The following ALDH7A1 variants were observed in gnomAD, a reference collection of about 807,000 sequenced individuals.
ALDH7A1 encodes aldehyde dehydrogenase 7 family member A1, also known as alpha-aminoadipic semialdehyde dehydrogenase.
A neutral mutation model predicts 79.9 loss-of-function variants in ALDH7A1; 63 were observed. The observed-to-expected ratio is 0.79, with a 90% CI of 0.64 to 0.97. The LOEUF (loss-of-function observed/expected upper bound fraction) is 0.97. Ranked by LOEUF, ALDH7A1 falls within the 50% of genes least tolerant of loss-of-function variation. The pLI is 0.00. For synonymous variants in ALDH7A1, 240 were observed against 231.2 expected, an observed-to-expected ratio of 1.04 and a Z score of -0.34; for missense variants, 627 against 665.2, an observed-to-expected ratio of 0.94 and a Z score of 0.63.
intron 12 of ALDH7A1, 49 bp downstream of exon 12, chr5:126,555,879 TAAC>T: frequency 7.0e-7 from 1 of 1,426,172 alleles, no homozygotes; most frequent in Non-Finnish European, 9.9e-7. Context: ...AAACACTTGT[TAAC>T]AACAGCTCTC....
At chr5:126,558,026 G>GAT (rs1473035968) in intron 11 of ALDH7A1, among the ~76,000 whole-genome samples, 2 of 151,936 alleles carry the variant, frequency 1.3e-5, no homozygotes, top group East Asian at 3.9e-4. Flanking sequence ...AAATTAGCCA[G>GAT]GCAGGGTGGC....
In ALDH7A1 at chr5:126,558,951, C is replaced by T. The variant is rs190489252; in HGVS notation, c.1008+289G>A. Among the ~76,000 whole-genome samples, 6 of 152,326 alleles carry T rather than the reference C, an allele frequency of 3.9e-5. No homozygotes were observed. In the East Asian group the frequency reaches 9.6e-4, roughly 24 times the overall value. On this transcript the variant is annotated intron_variant, in intron 11 of 17. Transcript: ENST00000409134. ...TTGTTCTCTAAATGACACTGGACTT[C>T]GTCCATATTGTTCTAGGAGTAGGAC...
intron 5 of ALDH7A1, among the ~76,000 whole-genome samples, chr5:126,582,428 C>G (rs759632623): frequency 3.5e-4 from 53 of 152,254 alleles, no homozygotes; most frequent in Middle Eastern, 3.4e-3. Context: ...CCAAAATTGG[C>G]TTAGATTTTT....
Position 126,592,765 on chromosome 5 carries a change from T to C in ALDH7A1, c.247-36A>G, listed in dbSNP as rs1452327282. On this transcript the variant is annotated intron_variant, in intron 2 of 17. Transcript: ENST00000409134. ...AATTAGGGGGACAGAAAGGGGGAAA[T>C]AAAGAGAAATGATGATGATCTTCTA... 2.5e-6 allele frequency: 4 copies of C among 1,575,070 alleles called. No individual in the cohort carries two copies. The Admixed American group carries it at 6.7e-5, about 26-fold the overall frequency.
At chr5:126,571,190 T>C (rs1581382119) in intron 7 of ALDH7A1, 1 of 307,700 alleles carries the variant, frequency 3.2e-6, no homozygotes, top group Non-Finnish European at 6.1e-6. Context: ...CCTAAAAGAA[T>C]CTTGAGGCCA....
At chr5:126,563,510 G>A (rs963430422) in intron 9 of ALDH7A1, among the ~76,000 whole-genome samples, 3 of 151,880 alleles carry the variant, frequency 2.0e-5, no homozygotes, top group Non-Finnish European at 4.4e-5. Flanking sequence ...TTTTTTTTCA[G>A]TCAGAGTCTT....
intron 9 of ALDH7A1, among the ~76,000 whole-genome samples, chr5:126,563,187 C>T (rs552681675): frequency 1.6e-4 from 24 of 152,308 alleles, no homozygotes; most frequent in Middle Eastern, 3.4e-3. Context: ...GCCCATAAGG[C>T]CACCACAAAA....
chr5:126,590,638 A>G (rs1581403794), intron 3 of ALDH7A1, among the ~76,000 whole-genome samples: 1 of 152,198 alleles, frequency 6.6e-6, no homozygotes, highest in East Asian at 1.9e-4. Flanking sequence ...TAATCCCAGC[A>G]CTTTGGGAGG....
chr5:126,574,259 G>A (rs370843178), intron 7 of ALDH7A1, among the ~76,000 whole-genome samples: 5 of 151,880 alleles, frequency 3.3e-5, no homozygotes, highest in Middle Eastern at 3.4e-3. Context: ...AATTAGCCAG[G>A]CGTGGTGGCA....
At chr5:126,591,033 A>G (rs1751536185) in intron 3 of ALDH7A1, among the ~76,000 whole-genome samples, 2 of 152,188 alleles carry the variant, frequency 1.3e-5, no homozygotes, top group South Asian at 4.1e-4. Context: ...AAATGCACCA[A>G]AACCTAAACC....
intron 3 of ALDH7A1, chr5:126,592,185 C>A (rs1181881926): frequency 5.9e-6 from 1 of 168,430 alleles, no homozygotes; most frequent in African/African-American, 2.4e-5. Context: ...CCGCCTCAGC[C>A]TCCTGAAGTG....
chr5:126,555,721 C>A (rs964624515), intron 12 of ALDH7A1, among the ~76,000 whole-genome samples: 2 of 152,054 alleles, frequency 1.3e-5, no homozygotes, highest in Non-Finnish European at 2.9e-5. Context: ...TCCATCTAAA[C>A]AACCTCTCCC....
intron 4 of ALDH7A1, among the ~76,000 whole-genome samples, chr5:126,583,218 T>G (rs555835780): frequency 1.3e-5 from 2 of 152,330 alleles, no homozygotes; most frequent in African/African-American, 4.8e-5. Flanking sequence ...CAGTGGCTCA[T>G]GCCTATAATC....
At chr5:126,581,937 C>A in intron 5 of ALDH7A1, 1 of 350,676 alleles carries the variant, frequency 2.9e-6, no homozygotes, top group Non-Finnish European at 5.1e-6. Context: ...AAGATCGCGC[C>A]ACTGCACTCC....
At chr5:126,575,918 T>TTCCCACCAAACCATG (rs1393588240) in intron 6 of ALDH7A1, among the ~76,000 whole-genome samples, 1 of 152,168 alleles carries the variant, frequency 6.6e-6, no homozygotes, top group Non-Finnish European at 1.5e-5. Flanking sequence ...TCGGGGCTAG[T>TTCCCACCAAACCATG]TCCCACCAAA....
chr5:126,556,812 T>G (rs1464910497), intron 11 of ALDH7A1, among the ~76,000 whole-genome samples: 3 of 152,194 alleles, frequency 2.0e-5, no homozygotes, highest in African/African-American at 7.2e-5. Flanking sequence ...GTGGCAGAGC[T>G]GAACTTGCCA....
At chr5:126,570,178 G>A (rs1384132303) in intron 8 of ALDH7A1, 1 of 153,206 alleles carries the variant, frequency 6.5e-6, no homozygotes, top group Non-Finnish European at 1.5e-5. Flanking sequence ...GTGGGTATGG[G>A]ATTAATTTCT....
chr5:126,546,875 T>C (rs978181712), intron 16 of ALDH7A1, among the ~76,000 whole-genome samples: 1 of 152,212 alleles, frequency 6.6e-6, no homozygotes, highest in African/African-American at 2.4e-5. Context: ...ATAACAATTT[T>C]GAAATAAAAG....
In ALDH7A1 at chr5:126,549,987, G is replaced by A. The variant is rs1749935020; in HGVS notation, c.1431C>T (p.Asp477=). The A allele has an allele frequency of 1.2e-6, 2 of 1,614,008 alleles. No individual in the cohort carries two copies. Among genetic ancestry groups the A allele is most frequent in the Non-Finnish European group, 1.7e-6 (2 of 1,180,018 alleles). Residue 477 remains aspartate (D), a synonymous_variant, in exon 16 of 18, where the codon GAC becomes GAT. Coordinates refer to ENST00000409134, the MANE Select transcript of ALDH7A1 (RefSeq NM_001182.5). ...IFRWLGPKGS[D]CGIVNVNIPT... ...GAATGTTGACATTTACAATGCCACA[G>A]TCTGATCCTTTAGGTCTGTGTAAAA...
Sources: allele counts gnomAD v4.1 joint callset (sites outside exome capture counted in the v4.1 genomes callset), GRCh38; gene constraint gnomAD v4.1.1; transcripts MANE v1.5; gene names NCBI Gene and HGNC (gene_info 2026-07-23, HGNC 2026-07-21).